The following NTRK3 variants were observed in gnomAD, a reference collection of about 807,000 sequenced individuals.
The protein encoded by NTRK3 is NT-3 growth factor receptor.
In NTRK3, 24 loss-of-function variants were observed where a neutral mutation model predicts 91.7. The ratio of observed to expected loss-of-function variants is 0.26; its 90% CI spans 0.19 to 0.37. The LOEUF (loss-of-function observed/expected upper bound fraction) is 0.37, where lower values mean the gene tolerates loss of function less well. Ranked by LOEUF, NTRK3 falls within the 10% of genes least tolerant of loss-of-function variation. The pLI is 1.00. For missense variants in NTRK3, 880 were observed against 1,068.9 expected, an observed-to-expected ratio of 0.82 and a Z score of 2.46; for synonymous variants, 483 against 404.0, an observed-to-expected ratio of 1.20 and a Z score of -2.34.
At chr15:87,998,302 A>G (rs1005657847) in intron 14 of NTRK3, among the ~76,000 whole-genome samples, 1 of 152,242 alleles carries the variant, frequency 6.6e-6, no homozygotes, top group African/African-American at 2.4e-5. Context: ...GCTGAGTTCC[A>G]TGTTTAACCA....
chr15:87,897,900 G>A (rs2141622291), intron 17 of NTRK3, among the ~76,000 whole-genome samples: 1 of 152,298 alleles, frequency 6.6e-6, no homozygotes, highest in African/African-American at 2.4e-5. Flanking sequence ...GTATAACTCA[G>A]CCAATGCTCT....
intron 13 of NTRK3, among the ~76,000 whole-genome samples, chr15:88,096,105 A>G (rs1206637079): frequency 2.0e-5 from 3 of 152,120 alleles, no homozygotes; most frequent in African/African-American, 7.2e-5. Context: ...TTTGCTCCCC[A>G]TTTCCTTCCC....
At chr15:88,122,788 C>T (rs934529165) in intron 13 of NTRK3, among the ~76,000 whole-genome samples, 2 of 152,172 alleles carry the variant, frequency 1.3e-5, no homozygotes, top group South Asian at 2.1e-4. Flanking sequence ...CCAGACATCT[C>T]AGATCTCCCA....
chr15:87,921,517 A>G (rs1250781266), intron 17 of NTRK3, among the ~76,000 whole-genome samples: 3 of 152,168 alleles, frequency 2.0e-5, no homozygotes, highest in Non-Finnish European at 4.4e-5. Context: ...AAGGAACTAT[A>G]TGATTCTGAG....
intron 3 of NTRK3, among the ~76,000 whole-genome samples, chr15:88,238,584 C>A (rs540148356): frequency 2.0e-5 from 3 of 152,298 alleles, no homozygotes; most frequent in African/African-American, 7.2e-5. Context: ...ACGATTTTAT[C>A]TTTCTGTCTA....
intron 6 of NTRK3, among the ~76,000 whole-genome samples, chr15:88,145,422 G>T (rs2042797335): frequency 6.6e-6 from 1 of 152,036 alleles, no homozygotes; most frequent in Non-Finnish European, 1.5e-5. Context: ...GGACATGGTG[G>T]TACTCACACA....
chr15:87,879,437 A>G (rs553463651), intron 18 of NTRK3, among the ~76,000 whole-genome samples: 1 of 152,278 alleles, frequency 6.6e-6, no homozygotes, highest in African/African-American at 2.4e-5. Flanking sequence ...AAGCATCTTG[A>G]TGGGCTTTGG....
chr15:88,125,002 C>G (rs1423188743), intron 13 of NTRK3, among the ~76,000 whole-genome samples: 1 of 152,172 alleles, frequency 6.6e-6, no homozygotes, highest in Non-Finnish European at 1.5e-5. Flanking sequence ...GTTTTTGAGA[C>G]AGGGTCTTTC....
chr15:87,893,051 C>A (rs142620814), intron 17 of NTRK3, among the ~76,000 whole-genome samples: 2 of 152,142 alleles, frequency 1.3e-5, no homozygotes, highest in Non-Finnish European at 2.9e-5. Flanking sequence ...TTGATGGCAA[C>A]TTAAGATGTG....
At chr15:87,907,664 A>G (rs2066853311) in intron 17 of NTRK3, among the ~76,000 whole-genome samples, 1 of 152,138 alleles carries the variant, frequency 6.6e-6, no homozygotes. Context: ...GTGTCTTCTT[A>G]GTCTGGGATG....
At position 88,233,991 on chromosome 15, in the gene NTRK3, T is replaced by C. The variant is rs2051451953; in HGVS notation, c.248+21915A>G. On this transcript the variant is annotated intron_variant, in intron 3 of 18. Transcript: ENST00000394480. This position sits in a 1 kb window ranked among gnomAD's most constrained non-coding sequence, Gnocchi z 4.2. ...AATTAAATCTCCGAATAAACAAATA[T>C]ATTTTAGCAAGTGCCATTCCTGAGC... 6.6e-6 allele frequency among the ~76,000 whole-genome samples: 1 copy of C among 152,184 alleles called. No individual in the cohort carries two copies. The highest frequency in any genetic ancestry group is 1.9e-4 in the East Asian group (1 of 5,200).
intron 14 of NTRK3, among the ~76,000 whole-genome samples, chr15:87,986,066 G>GA (rs1001392084): frequency 2.0e-5 from 3 of 151,962 alleles, no homozygotes; most frequent in Non-Finnish European, 2.9e-5. Flanking sequence ...TAGTCATATG[G>GA]AAAAAAAATT....
chr15:88,189,092 G>C (rs2047178087), intron 3 of NTRK3, among the ~76,000 whole-genome samples: 1 of 152,190 alleles, frequency 6.6e-6, no homozygotes, highest in South Asian at 2.1e-4. Flanking sequence ...TCAGAGTCGG[G>C]CTTAGGGCAG....
Position 88,175,029 on chromosome 15 carries a change from T to C in NTRK3, c.395+8389A>G, listed in dbSNP as rs144135101. Among the ~76,000 whole-genome samples, 129 of 152,342 alleles carry C rather than the reference T, an allele frequency of 8.5e-4. 2 individuals carry two copies. The highest frequency in any genetic ancestry group is 2.9e-3 in the African/African-American group (119 of 41,590). ...CTCTCATTTGTGTTCTGAGACCCTG[T>C]CTTGAGTAGGACAGAAAAGAATTGG... On this transcript the variant is annotated intron_variant, in intron 5 of 18. Transcript: ENST00000394480.
intron 14 of NTRK3, among the ~76,000 whole-genome samples, chr15:87,989,510 G>A (rs1198718153): frequency 1.6e-4 from 24 of 152,152 alleles, no homozygotes; most frequent in Non-Finnish European, 1.5e-5. Context: ...TTGTGGAGTT[G>A]GGGGAGGGGG....
intron 17 of NTRK3, among the ~76,000 whole-genome samples, chr15:87,906,214 T>G (rs527809277): frequency 1.3e-5 from 2 of 152,230 alleles, no homozygotes; most frequent in Non-Finnish European, 2.9e-5. Flanking sequence ...AAAGTGGAAC[T>G]ATAATAATGT....
chr15:87,873,315 G>A (rs1157130790), exon 19 of NTRK3: 1 of 229,404 alleles, frequency 4.4e-6, no homozygotes, highest in African/African-American at 2.2e-5. Flanking sequence ...CTTGACTAGA[G>A]GAGGTTCAGT....
intron 14 of NTRK3, among the ~76,000 whole-genome samples, chr15:87,941,887 T>C (rs1410569782): frequency 6.6e-6 from 1 of 152,214 alleles, no homozygotes; most frequent in Non-Finnish European, 1.5e-5. Flanking sequence ...ACATTAATTG[T>C]TCAACAGGCA....
chr15:88,134,953 G>C, intron 10 of NTRK3, 148 bp downstream of exon 10: 3 of 945,028 alleles, frequency 3.2e-6, no homozygotes, highest in Non-Finnish European at 5.1e-6. Context: ...AGATGCGGCT[G>C]GTGGTTGCAC....
Sources: allele counts gnomAD v4.1 joint callset (sites outside exome capture counted in the v4.1 genomes callset), GRCh38; gene constraint gnomAD v4.1.1; non-coding constraint Gnocchi (gnomAD v3.1); transcripts MANE v1.5; gene names NCBI Gene and HGNC (gene_info 2026-07-23, HGNC 2026-07-21).